Variants in FBN3 observed in about 807,000 individuals in gnomAD.
FBN3 encodes fibrillin 3, also known as fibrillin-3.
Under a neutral mutation model 330.1 loss-of-function variants are expected in FBN3, and 234 were observed. The observed-to-expected ratio is 0.71, with a 90% CI of 0.64 to 0.79. The LOEUF (loss-of-function observed/expected upper bound fraction) is 0.79. Ranked by LOEUF, FBN3 falls within the 30% of genes least tolerant of loss-of-function variation. The probability of loss-of-function intolerance (pLI) is 0.00; values close to 1 mark genes in which losing one functional copy is unlikely to be tolerated. For synonymous variants in FBN3, 1,458 were observed against 1,517.3 expected (o/e 0.96, Z 0.91); for missense variants, 3,606 against 3,886.9 (o/e 0.93, Z 1.92).
chr19:8,135,936 G>GGGGGGGGGGGGGGGCCC, intron 13 of FBN3, 25 bp downstream of exon 13: 15 of 668,716 alleles, frequency 2.2e-5, no homozygotes, highest in Middle Eastern at 4.8e-4. Flanking sequence ...GGAAGCCCCT[G>GGGGGGGGGGGGGGGCCC]CCCACCCGCC....
At chr19:8,136,596 C>T in intron 10 of FBN3, 65 bp from the exon 11 acceptor site, 1 of 1,597,356 alleles carries the variant, frequency 6.3e-7, no homozygotes, top group Non-Finnish European at 8.6e-7. Flanking sequence ...GGAGCCTGGG[C>T]TTCACCTCTC....
chr19:8,122,897 T>A (rs2082886907), intron 24 of FBN3, among the ~76,000 whole-genome samples: 1 of 147,232 alleles, frequency 6.8e-6, no homozygotes. Context: ...TCTCCTGACA[T>A]CGTGATCCGC....
chr19:8,111,873 G>A, intron 31 of FBN3, 103 bp from the exon 32 acceptor site: 1 of 1,457,780 alleles, frequency 6.9e-7, no homozygotes. Flanking sequence ...CTGCCCCCCT[G>A]CAGACACTCC....
chr19:8,089,771 G>T, intron 50 of FBN3, 101 bp from the exon 51 acceptor site: 1 of 1,565,546 alleles, frequency 6.4e-7, no homozygotes, highest in Non-Finnish European at 8.7e-7. Flanking sequence ...CCAAGCCCCA[G>T]GCTGGCAGGG....
At chr19:8,107,710 G>A (rs2082477837) in intron 37 of FBN3, among the ~76,000 whole-genome samples, 2 of 141,452 alleles carry the variant, frequency 1.4e-5, no homozygotes, top group African/African-American at 4.9e-5. Context: ...ATGGAGGATG[G>A]TTGAATGGAA....
At position 8,085,316 on chromosome 19, in the gene FBN3, C is replaced by T. The variant is rs374081357; in HGVS notation, c.7087+47G>A. 1.4e-4 allele frequency: 214 copies of T among 1,505,756 alleles called. No individual in the cohort carries two copies. The African/African-American group carries it at 2.7e-3, about 19-fold the overall frequency. 93.3% of individuals were successfully genotyped at this position (1,505,756 alleles called of 1,614,324 possible). On this transcript the variant is annotated intron_variant, in intron 56 of 63. Transcript: ENST00000600128. ...ACAGACACATGACCCTGAGCAAACT[C>T]CCCCGTTTCTTGCCTCCCTGGGGGT...
chr19:8,131,263 A>G lies in FBN3; in HGVS notation c.2016T>C (p.Ser672=), dbSNP rs1282927490. 7 of 1,611,620 alleles carry G rather than the reference A, an allele frequency of 4.3e-6. No homozygotes were observed. Among genetic ancestry groups the G allele is most frequent in the Non-Finnish European group, 5.9e-6 (7 of 1,179,522 alleles). Residue 672 remains serine, a synonymous_variant, in exon 16 of 64, where the codon AGT becomes AGC. Transcript: ENST00000600128. This position sits in a 1 kb window ranked among gnomAD's most constrained non-coding sequence, Gnocchi z 4.5. ...GACCATCCGTGGTAATGCCAAGCCC[A>G]CTGCTGCACAGTGCCTGGAACTCAG... The part of the protein sequence containing the change: ...DSAEFQALCS[S]GLGITTDGRD...
At chr19:8,089,482 G>A in intron 51 of FBN3, 63 bp downstream of exon 51, 1 of 1,600,590 alleles carries the variant, frequency 6.2e-7, no homozygotes, top group Non-Finnish European at 8.5e-7. Flanking sequence ...TCCCTGCCCT[G>A]CTCTGCTCCT....
Position 8,145,771 on chromosome 19 carries a change from G to A in FBN3, c.445+72C>T, listed in dbSNP as rs527554019. ...AAGGAACCCTGGGCAGTGGGCAGGT[G>A]GCAGCAGAGACTAATACTCTGGGAT... is the stretch of plus-strand genomic sequence containing the variant. On this transcript the variant is annotated intron_variant, in intron 5 of 63. Transcript: ENST00000600128. 1.7e-5 allele frequency: 20 copies of A among 1,179,970 alleles called. No individual in the cohort carries two copies. The East Asian group carries it at 5.1e-4, about 30-fold the overall frequency. The allele number at this position is 1,179,970 out of a possible 1,614,324, so 73.1% of individuals were successfully genotyped here.
chr19:8,109,862 A>C lies in FBN3; in HGVS notation c.4334-109T>G. ...CCTCGCTCAAGGTCAACTCCTGGGC[A>C]CCAGATTGTGGGACAATGTCATGTC... On this transcript the variant is annotated intron_variant, in intron 34 of 63. Coordinates refer to ENST00000600128, the MANE Select transcript of FBN3 (RefSeq NM_032447.5). The surrounding 1 kb of genome is among the most constrained non-coding windows in gnomAD (Gnocchi z 5.2). The C allele has an allele frequency of 8.0e-7, 1 of 1,252,258 alleles. No individual in the cohort carries two copies. The allele number at this position is 1,252,258 out of a possible 1,614,324, so 77.6% of individuals were successfully genotyped here. A position where few individuals can be genotyped will look rare whatever the true frequency, so the allele number is the denominator to read the frequency against.
intron 22 of FBN3, among the ~76,000 whole-genome samples, chr19:8,124,405 G>T (rs138207092): frequency 6.7e-6 from 1 of 148,950 alleles, no homozygotes; most frequent in African/African-American, 2.5e-5. Flanking sequence ...CACCACACCC[G>T]GCTGACTTTT....
rs373183692 is a variant in FBN3 at position 8,121,352 on chromosome 19, G to A, written c.3117C>T (p.Cys1039=). The change falls in exon 25 of 64, where the codon TGC becomes TGT. Residue 1039 remains cysteine (C), a synonymous_variant. Transcript: ENST00000600128. This position sits in a 1 kb window ranked among gnomAD's most constrained non-coding sequence, Gnocchi z 4.5. ...IDECRISPDL[C]GQGTCVNTPG... is the part of the protein sequence containing the mutation. ...GCGTGTTGACACAGGTGCCCTGGCC[G>A]CAGAGGTCAGGAGAGATGCGACACT... 98 of 1,612,838 alleles carry A rather than the reference G, an allele frequency of 6.1e-5. 2 individuals carry two copies. In the Middle Eastern group the frequency reaches 8.2e-4, roughly 14 times the overall value.
intron 14 of FBN3, 97 bp downstream of exon 14, chr19:8,132,887 G>C: frequency 1.5e-6 from 2 of 1,305,430 alleles, no homozygotes; most frequent in South Asian, 1.7e-5. Flanking sequence ...TCTCATGCTC[G>C]TCCCATCCCC....
At chr19:8,089,869 C>A in intron 50 of FBN3, 25 bp downstream of exon 50, 2 of 1,580,262 alleles carry the variant, frequency 1.3e-6, no homozygotes, top group Non-Finnish European at 1.7e-6. Context: ...AGAAGGGGCT[C>A]TTAGCATGTG....
intron 50 of FBN3, 44 bp downstream of exon 50, chr19:8,089,849 TG>T (rs1430025197): frequency 3.2e-6 from 5 of 1,560,484 alleles, no homozygotes; most frequent in Non-Finnish European, 4.3e-6. Context: ...GAGATGGATC[TG>T]GGTGGCCCAG....
intron 26 of FBN3, among the ~76,000 whole-genome samples, chr19:8,117,906 A>G (rs2082743114): frequency 6.6e-6 from 1 of 151,914 alleles, no homozygotes; most frequent in East Asian, 1.9e-4. Flanking sequence ...ACTCACACTC[A>G]AGTGCACACT....
rs1017487834 is a variant in FBN3 at position 8,149,108 on chromosome 19, CCAAG to C, written c.-18+337_-18+340del. 6.6e-6 allele frequency among the ~76,000 whole-genome samples: 1 copy of C among 152,160 alleles called. No individual in the cohort carries two copies. Among genetic ancestry groups the C allele is most frequent in the Non-Finnish European group, 1.5e-5 (1 of 68,006 alleles). The stretch of plus-strand genomic sequence containing the variant: ...GCTGAGGGCCAAACAGCGAGGGATA[CCAAG>C]CTTCGCCGACGGGGAGGGGGCGCCC... On this transcript the variant is annotated intron_variant, in intron 1 of 63. Transcript: ENST00000600128. This position sits in a 1 kb window ranked among gnomAD's most constrained non-coding sequence, Gnocchi z 5.5.
chr19:8,074,421 A>G (rs962313172), intron 61 of FBN3, among the ~76,000 whole-genome samples: 6 of 152,164 alleles, frequency 3.9e-5, no homozygotes, highest in Non-Finnish European at 5.9e-5. Context: ...CACATCACAA[A>G]GGCCACAGGA....
chr19:8,077,228 C>T (rs7260089), intron 59 of FBN3, among the ~76,000 whole-genome samples: 95,029 of 152,120 alleles, frequency 0.62, 31,368 homozygotes, highest in African/African-American at 0.84. Flanking sequence ...GGCTGGTATA[C>T]TGCATTTGAA....
Sources: allele counts gnomAD v4.1 joint callset (sites outside exome capture counted in the v4.1 genomes callset), GRCh38; gene constraint gnomAD v4.1.1; non-coding constraint Gnocchi (gnomAD v3.1); transcripts MANE v1.5; gene names NCBI Gene and HGNC (gene_info 2026-07-23, HGNC 2026-07-21).